Variants in SLC2A1 observed in about 807,000 individuals in gnomAD.
SLC2A1 encodes solute carrier family 2, facilitated glucose transporter member 1.
SLC2A1 carries 4 observed loss-of-function variants against 46.6 expected under a neutral mutation model. The ratio of observed to expected loss-of-function variants is 0.09; its 90% CI spans 0.04 to 0.20. The LOEUF (loss-of-function observed/expected upper bound fraction) is 0.20, where lower values mean the gene tolerates loss of function less well. SLC2A1 is among the 10% of genes least tolerant of loss of function. SLC2A1 has a pLI of 1.00. For synonymous variants in SLC2A1, 253 were observed against 270.0 expected (o/e 0.94, Z 0.62); for missense variants, 352 against 667.0 (o/e 0.53, Z 5.20).
intron 2 of SLC2A1, among the ~76,000 whole-genome samples, chr1:42,938,126 A>C (rs1643560372): frequency 6.6e-6 from 1 of 152,098 alleles, no homozygotes. Context: ...CTGGCAGCTC[A>C]GTCATTTGGG....
chr1:42,946,652 T>C (rs1407838127), intron 1 of SLC2A1, among the ~76,000 whole-genome samples: 1 of 151,962 alleles, frequency 6.6e-6, no homozygotes. Context: ...ACATTCCAGG[T>C]GGACAGAACA....
At chr1:42,933,039 C>T (rs1643508363) in intron 2 of SLC2A1, among the ~76,000 whole-genome samples, 1 of 152,206 alleles carries the variant, frequency 6.6e-6, no homozygotes, top group Non-Finnish European at 1.5e-5. Flanking sequence ...TCCAGTGTGA[C>T]CATGAGCAAG....
chr1:42,957,472 C>A (rs1020238166), intron 1 of SLC2A1, among the ~76,000 whole-genome samples: 2 of 152,170 alleles, frequency 1.3e-5, no homozygotes, highest in Admixed American at 1.3e-4. Context: ...TCAGTGCTAC[C>A]CCCGCGTCCC....
intron 2 of SLC2A1, among the ~76,000 whole-genome samples, chr1:42,932,323 G>A (rs531068847): frequency 2.0e-5 from 3 of 149,090 alleles, no homozygotes; most frequent in African/African-American, 7.4e-5. Context: ...CACCCGTTCT[G>A]CCTGAGCACA....
intron 8 of SLC2A1, among the ~76,000 whole-genome samples, chr1:42,928,321 G>A (rs1643450033): frequency 6.6e-6 from 1 of 152,224 alleles, no homozygotes; most frequent in African/African-American, 2.4e-5. Context: ...CCCAGGTTGA[G>A]CTGTAAAATG....
intron 2 of SLC2A1, among the ~76,000 whole-genome samples, chr1:42,938,795 G>T (rs1643567894): frequency 6.6e-6 from 1 of 152,214 alleles, no homozygotes; most frequent in East Asian, 1.9e-4. Flanking sequence ...AACCCTTCAA[G>T]GTCGAGCATG....
chr1:42,926,110 C>G lies in SLC2A1; in HGVS notation c.*931G>C, dbSNP rs1643422730. The G allele has an allele frequency of 6.6e-6, 1 of 152,608 alleles. No homozygotes were observed. The highest frequency in any genetic ancestry group is 1.5e-5 in the Non-Finnish European group (1 of 68,070). 9.5% of individuals were successfully genotyped at this position (152,608 alleles called of 1,614,324 possible). On this transcript the variant is annotated 3_prime_UTR_variant, in exon 10 of 10. Coordinates refer to ENST00000426263, the MANE Select transcript of SLC2A1 (RefSeq NM_006516.4). ...AACCCCACTTACTTCTGTCTCACTC[C>G]CATCCAAACCTCCTACCCTCAATCC...
intron 2 of SLC2A1, 76 bp from the exon 3 acceptor site, chr1:42,931,282 C>T: frequency 6.8e-7 from 1 of 1,476,832 alleles, no homozygotes; most frequent in South Asian, 1.2e-5. Context: ...CCCCTTGCAC[C>T]CCTCCCTAAG....
At chr1:42,934,919 T>C (rs188627419) in intron 2 of SLC2A1, among the ~76,000 whole-genome samples, 2 of 152,234 alleles carry the variant, frequency 1.3e-5, no homozygotes, top group East Asian at 3.9e-4. Flanking sequence ...CTCCCGACTC[T>C]TCCTATCCAC....
intron 1 of SLC2A1, among the ~76,000 whole-genome samples, chr1:42,947,199 G>C (rs1435365527): frequency 6.6e-6 from 1 of 152,178 alleles, no homozygotes; most frequent in Non-Finnish European, 1.5e-5. Context: ...TGAACAGTTG[G>C]TGATGACTTA....
rs752143706 is a variant in SLC2A1, at chr1:42,927,147, C to T, written c.1373G>A (p.Arg458Gln). 8 of 1,614,134 alleles carry T rather than the reference C, an allele frequency of 5.0e-6. No individual in the cohort carries two copies. The highest frequency in any genetic ancestry group is 1.1e-5 in the South Asian group (1 of 91,082). Reference sequence around the variant, plus strand: ...GCCGGAAGCGATCTCATCGAAGGTCCGGCCTTTAGTCTCAGGAACTTTGAA... The same window carrying T: ...GCCGGAAGCGATCTCATCGAAGGTCTGGCCTTTAGTCTCAGGAACTTTGAA... ...TYFKVPETKG[R>Q]TFDEIASGFR... The change falls in exon 10 of 10, where the codon CGG becomes CAG. Residue 458 changes from arginine to glutamine, a missense_variant. Coordinates refer to ENST00000426263, the MANE Select transcript of SLC2A1 (RefSeq NM_006516.4). This position sits in a 1 kb window ranked among gnomAD's most constrained non-coding sequence, Gnocchi z 5.3.
intron 2 of SLC2A1, among the ~76,000 whole-genome samples, chr1:42,936,769 C>T (rs1012479202): frequency 6.6e-6 from 1 of 152,154 alleles, no homozygotes; most frequent in African/African-American, 2.4e-5. Flanking sequence ...ACTCACAAGG[C>T]ACACGCAGTG....
rs570631597 is a variant in SLC2A1, at chr1:42,958,285, G to A, written c.18+349C>T. On this transcript the variant is annotated intron_variant, in intron 1 of 9. Transcript: ENST00000426263. ...CGGGAGGGGCCGAGGCTGGGCTGCT[G>A]CTGCCGAGGTCGTGTGCGACGTGCC... Among the ~76,000 whole-genome samples, 265 of 151,362 alleles carry A rather than the reference G, an allele frequency of 1.8e-3. 4 individuals are homozygous for A. Among genetic ancestry groups the A allele is most frequent in the Non-Finnish European group, 4.7e-4 (32 of 67,732 alleles).
In SLC2A1 at chr1:42,930,933, G is replaced by A. The variant is rs1643482836; in HGVS notation, c.276-67C>T. ...TGGGCTCCGAGGGGCTGGGTCAGAG[G>A]TAATACCCTGGAACAGGCAGATAAG... is the stretch of plus-strand genomic sequence containing the variant. On this transcript the variant is annotated intron_variant, in intron 3 of 9. Transcript: ENST00000426263. The surrounding 1 kb of genome is among the most constrained non-coding windows in gnomAD (Gnocchi z 6.2). The A allele has an allele frequency of 6.2e-7, 1 of 1,605,914 alleles. No individual in the cohort carries two copies. Among genetic ancestry groups the A allele is most frequent in the Non-Finnish European group, 8.5e-7 (1 of 1,179,102 alleles).
rs1197198052 is a variant in SLC2A1 at position 42,926,681 on chromosome 1, G to A, written c.*360C>T. ...CAGCCCTACAGATTAGCTGGGTGAA[G>A]AAGGCAAGTGTCTCGACAGGGCTTA... On this transcript the variant is annotated 3_prime_UTR_variant, in exon 10 of 10. Transcript: ENST00000426263. 1.5e-6 allele frequency: 2 copies of A among 1,321,466 alleles called. No individual in the cohort carries two copies. The highest frequency in any genetic ancestry group is 2.0e-6 in the Non-Finnish European group (2 of 1,009,758). 81.9% of individuals were successfully genotyped at this position (1,321,466 alleles called of 1,614,324 possible).
intron 1 of SLC2A1, among the ~76,000 whole-genome samples, chr1:42,957,556 G>C (rs1348222763): frequency 2.0e-5 from 3 of 152,166 alleles, no homozygotes; most frequent in Admixed American, 1.3e-4. Context: ...AATAGATAAA[G>C]AGGGACCGTT....
rs1265864945 is a variant in SLC2A1 at position 42,929,784 on chromosome 1, G to A, written c.680-4C>T. 7 of 1,614,232 alleles carry A rather than the reference G, an allele frequency of 4.3e-6. No individual in the cohort carries two copies. Among genetic ancestry groups the A allele is most frequent in the Non-Finnish European group, 5.9e-6 (7 of 1,180,042 alleles). On this transcript the variant is annotated splice_polypyrimidine_tract_variant and splice_region_variant and intron_variant, in intron 5 of 9. Coordinates refer to ENST00000426263, the MANE Select transcript of SLC2A1 (RefSeq NM_006516.4). This position sits in a 1 kb window ranked among gnomAD's most constrained non-coding sequence, Gnocchi z 6.0. ...GTCCCGCGCAGCTTCTTTAGCACTG[G>A]GGGGACCGGAGGGAAGGTGAGGGTG...
chr1:42,952,487 G>A (rs1272833061), intron 1 of SLC2A1: 12 of 440,362 alleles, frequency 2.7e-5, no homozygotes, highest in Non-Finnish European at 5.1e-5. Flanking sequence ...CTGGGACACT[G>A]GACTTCAGGA....
In SLC2A1 at chr1:42,930,332, A is replaced by G. The variant is rs1302441637; in HGVS notation, c.516+294T>C. On this transcript the variant is annotated intron_variant, in intron 4 of 9. Transcript: ENST00000426263. This position sits in a 1 kb window ranked among gnomAD's most constrained non-coding sequence, Gnocchi z 6.2. The stretch of plus-strand genomic sequence containing the variant: ...AGGGTTTTGGGGACAGGGAAGGGGA[A>G]GCCTCCTGGAGAGAGGGTACTGTGC... 33 of 627,062 alleles carry G rather than the reference A, an allele frequency of 5.3e-5. No individual in the cohort carries two copies. Among genetic ancestry groups the G allele is most frequent in the South Asian group, 4.8e-4 (25 of 52,220 alleles). 38.8% of individuals were successfully genotyped at this position (627,062 alleles called of 1,614,324 possible). A position where few individuals can be genotyped will look rare whatever the true frequency, so the allele number is the denominator to read the frequency against.
Sources: allele counts gnomAD v4.1 joint callset (sites outside exome capture counted in the v4.1 genomes callset), GRCh38; gene constraint gnomAD v4.1.1; non-coding constraint Gnocchi (gnomAD v3.1); transcripts MANE v1.5; gene names NCBI Gene and HGNC (gene_info 2026-07-23, HGNC 2026-07-21).